ENPP2: variants seen among roughly 807,000 people sequenced by gnomAD.
ENPP2 encodes the protein autotaxin.
Under a neutral mutation model 120.2 loss-of-function variants are expected in ENPP2, and 51 were observed. The observed-to-expected ratio is 0.42, with a 90% CI of 0.34 to 0.54. The LOEUF (loss-of-function observed/expected upper bound fraction) is 0.54. Ranked by LOEUF, ENPP2 falls within the 20% of genes least tolerant of loss-of-function variation. The probability of loss-of-function intolerance (pLI) is 0.04; values close to 1 mark genes in which losing one functional copy is unlikely to be tolerated. For synonymous variants in ENPP2, 365 were observed against 366.4 expected (o/e 1.00, Z 0.04); for missense variants, 920 against 1,066.5 (o/e 0.86, Z 1.91).
intron 1 of ENPP2, among the ~76,000 whole-genome samples, chr8:119,668,564 G>T (rs1424735929): frequency 6.6e-6 from 1 of 151,354 alleles, no homozygotes; most frequent in African/African-American, 2.4e-5. Context: ...GAGTACCTGG[G>T]ACTACAGGCA....
In ENPP2 at chr8:119,619,286, T is replaced by A. The variant is rs771841982; in HGVS notation, c.437A>T (p.Asp146Val). 6.2e-7 allele frequency: 1 copy of A among 1,612,032 alleles called. No homozygotes were observed. The highest frequency in any genetic ancestry group is 2.2e-5 in the East Asian group (1 of 44,852). The change falls in exon 5 of 25, where the codon GAT becomes GTT. Residue 146 changes from aspartate (D) to valine (V), a missense_variant. Transcript: ENST00000075322. ...GGCCTTTATTTCCTCACAGTCATCA[T>A]CAACCCAATGCGACTCTCCTATAAG... ...VVCKGESHWV[D>V]DDCEEIKAAE... is the part of the protein sequence containing the mutation.
At chr8:119,639,193 C>T (rs1202893521), upstream of ENPP2, among the ~76,000 whole-genome samples, 1 of 152,210 alleles carries the variant, frequency 6.6e-6, no homozygotes, top group African/African-American at 2.4e-5. Flanking sequence ...CAAGGGCTTT[C>T]CACCAGCTTT....
At chr8:119,576,699 A>G (rs895831716) in intron 19 of ENPP2, among the ~76,000 whole-genome samples, 2 of 152,142 alleles carry the variant, frequency 1.3e-5, no homozygotes, top group African/African-American at 4.8e-5. Context: ...GAGATTTTTT[A>G]AATTTTCTTT....
At chr8:119,606,507 G>A (rs1814727573) in intron 9 of ENPP2, among the ~76,000 whole-genome samples, 1 of 151,760 alleles carries the variant, frequency 6.6e-6, no homozygotes, top group South Asian at 2.1e-4. Flanking sequence ...TTAAAGAAAT[G>A]TCACACATAG....
chr8:119,616,303 G>C lies in ENPP2; in HGVS notation c.739C>G (p.Arg247Gly). 1.2e-6 allele frequency: 2 copies of C among 1,608,052 alleles called. No individual in the cohort carries two copies. The highest frequency in any genetic ancestry group is 1.7e-6 in the Non-Finnish European group (2 of 1,175,856). ...CACCATCTATGATTAAATTTCTCTC[G>C]CCCTCGCAGATGAAAAGTGGCATCA... is the stretch of plus-strand genomic sequence containing the variant. ...VFDATFHLRG[R>G]EKFNHRWWGG... The change falls in exon 8 of 25, where the codon CGA (arginine) becomes GGA (glycine). Residue 247 changes from arginine (R) to glycine (G), a missense_variant. Transcript: ENST00000075322.
At position 119,660,067 on chromosome 8, in the gene ENPP2, G is replaced by A. The variant is rs534126677; in HGVS notation, c.21+13185C>T. On this transcript the variant is annotated intron_variant, in intron 1 of 25. Transcript: ENST00000427067. ...ATATAAATATTGAGAAGCTGAAAAT[G>A]TATCTCTCCTAGCTATCGTCTAAAA... 3.3e-5 allele frequency among the ~76,000 whole-genome samples: 5 copies of A among 152,294 alleles called. No homozygotes were observed. In the South Asian group the frequency reaches 8.3e-4, roughly 25 times the overall value.
chr8:119,619,337 A>G, intron 4 of ENPP2, 33 bp from the exon 5 acceptor site: 1 of 1,443,252 alleles, frequency 6.9e-7, no homozygotes, highest in South Asian at 1.1e-5. Flanking sequence ...GTATTGTTGA[A>G]TCTAATTACA....
intron 9 of ENPP2, among the ~76,000 whole-genome samples, chr8:119,604,753 A>AT (rs1477715219): frequency 6.6e-6 from 1 of 152,050 alleles, no homozygotes; most frequent in Non-Finnish European, 1.5e-5. Context: ...CCTAATAAGC[A>AT]TTTTATGTTG....
At chr8:119,601,027 C>G (rs970954652) in intron 10 of ENPP2, among the ~76,000 whole-genome samples, 12 of 152,088 alleles carry the variant, frequency 7.9e-5, no homozygotes, top group African/African-American at 2.4e-4. Flanking sequence ...GATAACAGAG[C>G]CTGGCGGTAA....
chr8:119,563,056 T>A, intron 23 of ENPP2, 43 bp from the exon 24 acceptor site: 1 of 1,562,312 alleles, frequency 6.4e-7, no homozygotes, highest in Non-Finnish European at 8.7e-7. Context: ...GATGAGTTGA[T>A]GTTGAAGCTT....
intron 13 of ENPP2, among the ~76,000 whole-genome samples, chr8:119,588,315 T>C (rs1813257439): frequency 6.6e-6 from 1 of 151,800 alleles, no homozygotes. Context: ...GGATCACAAG[T>C]TCAGGAGATC....
intron 1 of ENPP2, among the ~76,000 whole-genome samples, chr8:119,666,609 C>T (rs1818079369): frequency 6.6e-6 from 1 of 151,830 alleles, no homozygotes; most frequent in African/African-American, 2.4e-5. Context: ...GGAGAAAACC[C>T]ATCTCTACTA....
intron 24 of ENPP2, 38 bp from the exon 25 acceptor site, chr8:119,557,729 TC>T: frequency 6.6e-7 from 1 of 1,507,750 alleles, no homozygotes. Context: ...ATCAGAATTT[TC>T]CAGAGGAGTT....
In ENPP2 at chr8:119,627,443, A is replaced by G. The variant is rs143173204; in HGVS notation, c.137-723T>C. Among the ~76,000 whole-genome samples the G allele has an allele frequency of 7.2e-3, 1,096 of 152,332 alleles. 11 individuals carry two copies. The highest frequency in any genetic ancestry group is 0.025 in the African/African-American group (1,059 of 41,568). ...ACACAATATAGTTTCAAAATTAAAC[A>G]GAAGTTTCATTCTCAATAGGGCCTA... On this transcript the variant is annotated intron_variant, in intron 2 of 24. Coordinates refer to ENST00000075322, the MANE Select transcript of ENPP2 (RefSeq NM_001040092.3).
intron 11 of ENPP2, among the ~76,000 whole-genome samples, chr8:119,594,207 T>C (rs1307279890): frequency 6.6e-6 from 1 of 152,184 alleles, no homozygotes; most frequent in African/African-American, 2.4e-5. Flanking sequence ...AAACAGAAAG[T>C]CCCTAAGTGA....
chr8:119,652,377 A>T (rs1050905844), intron 1 of ENPP2, among the ~76,000 whole-genome samples: 1 of 152,190 alleles, frequency 6.6e-6, no homozygotes, highest in Non-Finnish European at 1.5e-5. Context: ...GGAAGTCAGC[A>T]GTTTGTTAAG....
chr8:119,600,785 A>G, intron 10 of ENPP2, 35 bp from the exon 11 acceptor site: 1 of 1,182,952 alleles, frequency 8.5e-7, no homozygotes, highest in South Asian at 1.3e-5. Flanking sequence ...AATCTCTCCT[A>G]AACCACATGT....
chr8:119,612,223 C>A (rs1815160319), intron 8 of ENPP2, among the ~76,000 whole-genome samples: 1 of 152,032 alleles, frequency 6.6e-6, no homozygotes, highest in African/African-American at 2.4e-5. Context: ...GCAGAGCTCG[C>A]CCTAACTAGG....
intron 1 of ENPP2, among the ~76,000 whole-genome samples, chr8:119,669,139 A>G (rs2130914363): frequency 6.6e-6 from 1 of 152,364 alleles, no homozygotes; most frequent in East Asian, 1.9e-4. Context: ...TGCTGAATAA[A>G]CAGGAATGAA....
Sources: allele counts gnomAD v4.1 joint callset (sites outside exome capture counted in the v4.1 genomes callset), GRCh38; gene constraint gnomAD v4.1.1; transcripts MANE v1.5; gene names NCBI Gene and HGNC (gene_info 2026-07-23, HGNC 2026-07-21).